The following TBCEL variants were observed in gnomAD, a reference collection of about 807,000 sequenced individuals.
TBCEL encodes tubulin-specific chaperone cofactor E-like protein.
A neutral mutation model predicts 44.2 loss-of-function variants in TBCEL; 15 were observed. That is an observed-to-expected ratio of 0.34 (90% CI 0.23 to 0.52). TBCEL has a LOEUF of 0.52. TBCEL is among the 20% of genes least tolerant of loss of function. TBCEL has a pLI of 0.95. For missense variants in TBCEL, 319 were observed against 506.3 expected (o/e 0.63, Z 3.55); for synonymous variants, 171 against 185.4 (o/e 0.92, Z 0.63).
chr11:121,032,672 C>T (rs2134882585), intron 1 of TBCEL, among the ~76,000 whole-genome samples: 1 of 152,142 alleles, frequency 6.6e-6, no homozygotes, highest in East Asian at 1.9e-4. Flanking sequence ...CCTTGGGGAC[C>T]ACTTAAATAG....
At chr11:121,076,552 A>G (rs1946037364) in intron 8 of TBCEL, among the ~76,000 whole-genome samples, 1 of 152,014 alleles carries the variant, frequency 6.6e-6, no homozygotes, top group South Asian at 2.1e-4. Flanking sequence ...TTATTTATTA[A>G]TTCTAGTAGA....
At chr11:121,035,373 G>A (rs79853313) in intron 1 of TBCEL, 1 of 151,706 alleles carries the variant, frequency 6.6e-6, no homozygotes, top group East Asian at 1.9e-4. Context: ...CATACCCAGG[G>A]CGTTTAGTTT....
intron 8 of TBCEL, among the ~76,000 whole-genome samples, chr11:121,081,715 G>C (rs1565507940): frequency 6.6e-6 from 1 of 152,142 alleles, no homozygotes; most frequent in Non-Finnish European, 1.5e-5. Context: ...GTAAAATCAT[G>C]ATTTCTTATA....
At position 121,045,817 on chromosome 11, in the gene TBCEL, A is replaced by G. The variant is rs1380905518; in HGVS notation, c.127A>G (p.Met43Val). 7 of 1,583,072 alleles carry G rather than the reference A, an allele frequency of 4.4e-6. No individual in the cohort carries two copies. The highest frequency in any genetic ancestry group is 2.4e-5 in the South Asian group (2 of 84,698). ...CCCAGCCACACCTCAGGGCTCTCCTATGAAAGGTAAGAAAGATGGGACCTA... is the reference window on the plus strand; with the variant it reads ...CCCAGCCACACCTCAGGGCTCTCCTGTGAAAGGTAAGAAAGATGGGACCTA... Reference protein sequence around the residue: ...HVPATPQGSPMKDRLNLPSVL... With the variant: ...HVPATPQGSPVKDRLNLPSVL... The change falls in exon 3 of 9, where the codon ATG (methionine) becomes GTG (valine). Residue 43 changes from methionine to valine, a missense_variant. Transcript: ENST00000683345.
At chr11:121,071,030 T>C (rs1001404470) in intron 8 of TBCEL, among the ~76,000 whole-genome samples, 4 of 152,226 alleles carry the variant, frequency 2.6e-5, no homozygotes, top group Non-Finnish European at 4.4e-5. Context: ...CTGGTATTTA[T>C]AGCCCTGATT....
intron 1 of TBCEL, among the ~76,000 whole-genome samples, chr11:121,027,638 A>G (rs999381032): frequency 2.0e-5 from 3 of 152,160 alleles, no homozygotes; most frequent in Admixed American, 1.3e-4. Flanking sequence ...AAGTCTGCAT[A>G]TAAAATGTTC....
intron 2 of TBCEL, 121 bp downstream of exon 2, chr11:121,036,733 T>C (rs1157138880): frequency 6.6e-6 from 1 of 152,202 alleles, no homozygotes; most frequent in Non-Finnish European, 1.5e-5. Flanking sequence ...TGTTTATGTA[T>C]GGTGGACTAC....
intron 8 of TBCEL, among the ~76,000 whole-genome samples, chr11:121,066,922 A>G (rs965862966): frequency 2.6e-5 from 4 of 152,144 alleles, no homozygotes; most frequent in Non-Finnish European, 5.9e-5. Flanking sequence ...TTAAAGAAAA[A>G]CATTCTTTTT....
At chr11:121,032,720 A>G (rs1466458095) in intron 1 of TBCEL, among the ~76,000 whole-genome samples, 22 of 152,208 alleles carry the variant, frequency 1.4e-4, no homozygotes, top group Admixed American at 1.4e-3. Flanking sequence ...TATGAAAAGC[A>G]TGGCACTAGA....
intron 2 of TBCEL, among the ~76,000 whole-genome samples, chr11:121,039,943 A>G (rs966028282): frequency 1.3e-5 from 2 of 152,240 alleles, no homozygotes; most frequent in African/African-American, 2.4e-5. Context: ...GTCCTTGTCA[A>G]ATAACTGAAG....
At chr11:121,048,917 A>G (rs2134930661) in intron 4 of TBCEL, among the ~76,000 whole-genome samples, 1 of 151,984 alleles carries the variant, frequency 6.6e-6, no homozygotes, top group East Asian at 1.9e-4. Context: ...GACTTGGCCC[A>G]AGTTGCTATT....
At chr11:121,033,166 C>T (rs1945173176) in intron 1 of TBCEL, among the ~76,000 whole-genome samples, 1 of 152,186 alleles carries the variant, frequency 6.6e-6, no homozygotes, top group Non-Finnish European at 1.5e-5. Flanking sequence ...TATTTATAAT[C>T]ATGTTATTCA....
chr11:121,035,844 T>G (rs980706173), intron 1 of TBCEL: 1 of 152,360 alleles, frequency 6.6e-6, no homozygotes, highest in Non-Finnish European at 1.5e-5. Flanking sequence ...TTTTCCCCTT[T>G]GATAATTAGA....
In TBCEL at chr11:121,081,244, G is replaced by T. The variant is rs534846393; in HGVS notation, c.957-5534G>T. Among the ~76,000 whole-genome samples, 5 of 152,238 alleles carry T rather than the reference G, an allele frequency of 3.3e-5. No individual in the cohort carries two copies. In the South Asian group the frequency reaches 1.0e-3, roughly 32 times the overall value. The stretch of plus-strand genomic sequence containing the variant: ...GGTTATGCTGGCCTTTATGCTGTTT[G>T]TAGTAAATTTTTTTTTACTTGTGAT... On this transcript the variant is annotated intron_variant, in intron 8 of 8. Transcript: ENST00000683345.
chr11:121,059,713 A>G (rs1945684763), intron 7 of TBCEL, among the ~76,000 whole-genome samples: 1 of 151,984 alleles, frequency 6.6e-6, no homozygotes, highest in African/African-American at 2.4e-5. Flanking sequence ...TAAGTTGGAC[A>G]GTGCTGCCTA....
At chr11:121,070,471 A>G (rs1473984427) in intron 8 of TBCEL, among the ~76,000 whole-genome samples, 10 of 152,208 alleles carry the variant, frequency 6.6e-5, no homozygotes, top group Admixed American at 5.2e-4. Flanking sequence ...CATCAGTGAT[A>G]GACTGGATTA....
At chr11:121,066,109 G>C (rs534464516) in intron 8 of TBCEL, among the ~76,000 whole-genome samples, 1 of 152,230 alleles carries the variant, frequency 6.6e-6, no homozygotes, top group Admixed American at 6.5e-5. Context: ...GAGCAGGATT[G>C]ATGGGAAGCA....
At chr11:121,081,394 G>A (rs561795490) in intron 8 of TBCEL, among the ~76,000 whole-genome samples, 1 of 152,332 alleles carries the variant, frequency 6.6e-6, no homozygotes, top group South Asian at 2.1e-4. Context: ...ATTTTCCAAA[G>A]TAGGTTTATA....
chr11:121,059,127 C>A (rs1945673739), intron 7 of TBCEL, among the ~76,000 whole-genome samples: 1 of 151,890 alleles, frequency 6.6e-6, no homozygotes, highest in Non-Finnish European at 1.5e-5. Flanking sequence ...GAAAGGGGAA[C>A]TGTAGGCTTT....
Sources: allele counts gnomAD v4.1 joint callset (sites outside exome capture counted in the v4.1 genomes callset), GRCh38; gene constraint gnomAD v4.1.1; transcripts MANE v1.5; gene names NCBI Gene and HGNC (gene_info 2026-07-23, HGNC 2026-07-21).